Variants in WT1 observed in about 807,000 individuals in gnomAD.
WT1 encodes the protein Wilms tumor protein.
Under a neutral mutation model 60.8 loss-of-function variants are expected in WT1, and 8 were observed. That is an observed-to-expected ratio of 0.13 (90% CI 0.08 to 0.24). The LOEUF (loss-of-function observed/expected upper bound fraction) is 0.24. Ranked by LOEUF, WT1 falls within the 10% of genes least tolerant of loss-of-function variation. WT1 has a pLI of 1.00. For synonymous variants in WT1, 312 were observed against 297.1 expected (o/e 1.05, Z -0.52); for missense variants, 568 against 711.8 (o/e 0.80, Z 2.30).
chr11:32,427,900 C>A, intron 3 of WT1, 56 bp downstream of exon 3: 2 of 1,533,212 alleles, frequency 1.3e-6, no homozygotes, highest in Non-Finnish European at 1.8e-6. Flanking sequence ...TCCGCCGGCT[C>A]ATGCGTCCCC....
chr11:32,404,202 G>A (rs1051725618), intron 5 of WT1, among the ~76,000 whole-genome samples: 24 of 150,808 alleles, frequency 1.6e-4, no homozygotes, highest in African/African-American at 5.1e-4. Context: ...CCCGGGAGGC[G>A]GAGTTGCAGT....
intron 5 of WT1, among the ~76,000 whole-genome samples, chr11:32,403,572 C>CTTTTTTTTTT: frequency 7.8e-6 from 1 of 128,780 alleles, no homozygotes; most frequent in Non-Finnish European, 1.6e-5. Flanking sequence ...ATGAATATTA[C>CTTTTTTTTTT]TTTTTTTTTT....
chr11:32,391,345 C>A (rs1220721851), intron 9 of WT1, among the ~76,000 whole-genome samples: 2 of 152,226 alleles, frequency 1.3e-5, no homozygotes, highest in East Asian at 3.8e-4. Context: ...TATTAACGCT[C>A]TTTCCAAAGG....
At chr11:32,409,894 A>AT (rs369455120) in intron 5 of WT1, among the ~76,000 whole-genome samples, 1 of 151,360 alleles carries the variant, frequency 6.6e-6, no homozygotes, top group Non-Finnish European at 1.5e-5. Context: ...CCCATTGACC[A>AT]TTTTTTTCCT....
At position 32,414,325 on chromosome 11, in the gene WT1, TG is replaced by T. The variant is rs1852596645; in HGVS notation, c.1016+2164del. Among the ~76,000 whole-genome samples the T allele has an allele frequency of 4.6e-5, 7 of 152,354 alleles. No individual in the cohort carries two copies. The South Asian group carries it at 1.4e-3, about 32-fold the overall frequency. On this transcript the variant is annotated intron_variant, in intron 5 of 9. Coordinates refer to ENST00000452863, the MANE Select transcript of WT1 (RefSeq NM_024426.6). ...TCTCACTCTATCGCCCAGGCTGGAA[TG>T]CAGTGGCCTGATCTTGGCTCACTGC...
chr11:32,402,128 T>G (rs1852176655), intron 5 of WT1, among the ~76,000 whole-genome samples: 1 of 152,186 alleles, frequency 6.6e-6, no homozygotes. Context: ...GGTTTCACAT[T>G]TACTTCTGGC....
At chr11:32,397,344 TC>T (rs1675948240) in intron 6 of WT1, among the ~76,000 whole-genome samples, 1 of 152,036 alleles carries the variant, frequency 6.6e-6, no homozygotes, top group African/African-American at 2.4e-5. Context: ...TAAGACAGGA[TC>T]TTATTCTGTT....
chr11:32,392,112 A>G (rs758331851), intron 8 of WT1, 48 bp from the exon 9 acceptor site: 5 of 1,547,546 alleles, frequency 3.2e-6, no homozygotes, highest in Non-Finnish European at 4.5e-6. Flanking sequence ...ATGTGGGCAC[A>G]GTGAGGCCCA....
intron 9 of WT1, among the ~76,000 whole-genome samples, chr11:32,391,727 T>C (rs1329714640): frequency 6.6e-6 from 1 of 152,214 alleles, no homozygotes; most frequent in Non-Finnish European, 1.5e-5. Flanking sequence ...TATCTCTTCA[T>C]TTTCATTCTG....
Position 32,396,397 on chromosome 11 carries a change from C to G in WT1, c.1124G>C (p.Arg375Pro), listed in dbSNP as rs554416372. 4 of 1,613,970 alleles carry G rather than the reference C, an allele frequency of 2.5e-6. No individual in the cohort carries two copies. Among genetic ancestry groups the G allele is most frequent in the East Asian group, 2.2e-5 (1 of 44,870 alleles). Residue 375 changes from arginine (R) to proline (P), a missense_variant, in exon 7 of 10, where the codon CGT becomes CCT. Physicochemically the swap from Arg to Pro is moderately radical, Grantham distance 103. Transcript: ENST00000452863. ...AAGAGTCGGGGCTACTCCAGGCACA[C>G]GTCGCACATCCTGCAGGCAGAGAGT...
intron 5 of WT1, among the ~76,000 whole-genome samples, chr11:32,415,850 T>C (rs1852651510): frequency 6.6e-6 from 1 of 151,788 alleles, no homozygotes; most frequent in South Asian, 2.1e-4. Context: ...TCTTGGAAGA[T>C]GAAATACAAC....
chr11:32,406,505 C>T (rs533548141), intron 5 of WT1, among the ~76,000 whole-genome samples: 2 of 152,124 alleles, frequency 1.3e-5, no homozygotes, highest in African/African-American at 4.8e-5. Flanking sequence ...TAACTGGCCA[C>T]AGACCACTAC....
Position 32,428,630 on chromosome 11 carries a change from G to A in WT1, c.662-11C>T, listed in dbSNP as rs2133076426. ...TGACCGTGCTGTAACCTGCGGGAGC[G>A]GCGGAGAGAAGCACAGTGTCAGCGG... On this transcript the variant is annotated splice_polypyrimidine_tract_variant and intron_variant, in intron 1 of 9. Coordinates refer to ENST00000452863, the MANE Select transcript of WT1 (RefSeq NM_024426.6). 1.2e-6 allele frequency: 2 copies of A among 1,611,860 alleles called. No homozygotes were observed. Among genetic ancestry groups the A allele is most frequent in the East Asian group, 2.2e-5 (1 of 44,860 alleles).
chr11:32,428,941 G>A (rs1853167078), intron 1 of WT1: 4 of 421,824 alleles, frequency 9.5e-6, no homozygotes, highest in Non-Finnish European at 1.8e-5. Flanking sequence ...TATAAAACTC[G>A]TTGCCTGATC....
intron 1 of WT1, 151 bp from the exon 2 acceptor site, chr11:32,428,770 A>G: frequency 7.4e-7 from 1 of 1,344,990 alleles, no homozygotes; most frequent in South Asian, 1.3e-5. Flanking sequence ...AGCCTCCAGG[A>G]CTTTCGGCAG....
chr11:32,432,708 A>C (rs933553699), intron 1 of WT1, among the ~76,000 whole-genome samples: 3 of 152,088 alleles, frequency 2.0e-5, no homozygotes, highest in African/African-American at 7.2e-5. Context: ...ATTTTCCAGA[A>C]GTGTAATGCC....
intron 6 of WT1, among the ~76,000 whole-genome samples, chr11:32,398,251 G>C (rs907623240): frequency 3.9e-5 from 6 of 152,096 alleles, no homozygotes; most frequent in Non-Finnish European, 5.9e-5. Context: ...TATCATGTGG[G>C]GTCTGGCCCA....
At chr11:32,396,436 G>A (rs1851978225) in intron 6 of WT1, 29 bp from the exon 7 acceptor site, 1 of 1,611,566 alleles carries the variant, frequency 6.2e-7, no homozygotes, top group Non-Finnish European at 8.5e-7. Context: ...AGGAAGGGAG[G>A]CTTTAAGCCA....
At chr11:32,419,690 G>C (rs749874696) in intron 3 of WT1, among the ~76,000 whole-genome samples, 2 of 152,168 alleles carry the variant, frequency 1.3e-5, no homozygotes, top group Admixed American at 6.5e-5. Flanking sequence ...ACCCCAAAGA[G>C]AAAATAAACA....
Sources: gnomAD v4.1 joint callset for allele counts (sites outside exome capture counted in the v4.1 genomes callset) on GRCh38, gnomAD v4.1.1 for gene constraint, MANE v1.5 for transcripts, NCBI Gene and HGNC (gene_info 2026-07-23, HGNC 2026-07-21) for gene names.